Variants in MYO5A observed in about 807,000 individuals in gnomAD.
MYO5A encodes myosin VA.
In MYO5A, 98 loss-of-function variants were observed where a neutral mutation model predicts 249.7. The observed-to-expected ratio is 0.39, with a 90% confidence interval of 0.33 to 0.46. The LOEUF (loss-of-function observed/expected upper bound fraction) is 0.46. MYO5A is among the 20% of genes least tolerant of loss of function. The pLI is 0.98. For synonymous variants in MYO5A, 778 were observed against 810.6 expected, an observed-to-expected ratio of 0.96 and a Z score of 0.68; for missense variants, 1,696 against 2,308.8, an observed-to-expected ratio of 0.73 and a Z score of 5.44.
chr15:52,504,194 T>C (rs1029391717), intron 1 of MYO5A, among the ~76,000 whole-genome samples: 1 of 151,742 alleles, frequency 6.6e-6, no homozygotes, highest in Non-Finnish European at 1.5e-5. Context: ...TTCTACACAC[T>C]CATCCTTTAA....
In MYO5A at chr15:52,337,798, G is replaced by T; in HGVS notation, c.4314+12C>A. ...AGGGAAGACAGCAGAAAAGCACTATGGTTTTACATACAATCATCCGTTTGT... is the reference window on the plus strand; with the variant it reads ...AGGGAAGACAGCAGAAAAGCACTATTGTTTTACATACAATCATCCGTTTGT... On this transcript the variant is annotated intron_variant, in intron 33 of 41. Transcript: ENST00000399233. 6.6e-7 allele frequency: 1 copy of T among 1,523,400 alleles called. No individual in the cohort carries two copies. Among genetic ancestry groups the T allele is most frequent in the Non-Finnish European group, 8.9e-7 (1 of 1,124,928 alleles). 94.4% of individuals were successfully genotyped at this position (1,523,400 alleles called of 1,614,324 possible).
chr15:52,361,830 C>A (rs2040544632), intron 24 of MYO5A, among the ~76,000 whole-genome samples: 1 of 152,152 alleles, frequency 6.6e-6, no homozygotes, highest in African/African-American at 2.4e-5. Flanking sequence ...TCATCACGTT[C>A]TCCTTCAAGA....
chr15:52,504,295 G>C (rs755733679), intron 1 of MYO5A, among the ~76,000 whole-genome samples: 1 of 152,024 alleles, frequency 6.6e-6, no homozygotes, highest in Non-Finnish European at 1.5e-5. Context: ...TCATGTTCAG[G>C]TTTCTAAGCC....
At chr15:52,471,563 T>G (rs1394849129) in intron 1 of MYO5A, among the ~76,000 whole-genome samples, 1 of 148,514 alleles carries the variant, frequency 6.7e-6, no homozygotes, top group Non-Finnish European at 1.5e-5. Context: ...GAGGCCAGCC[T>G]GGGCAACACA....
intron 8 of MYO5A, among the ~76,000 whole-genome samples, chr15:52,406,668 G>A (rs2043017560): frequency 6.6e-6 from 1 of 151,870 alleles, no homozygotes; most frequent in Non-Finnish European, 1.5e-5. Flanking sequence ...AGTTGTAGAT[G>A]ACAAGTTCTA....
At chr15:52,448,951 G>GTCTT (rs1567136621) in intron 1 of MYO5A, among the ~76,000 whole-genome samples, 56 of 64,048 alleles carry the variant, frequency 8.7e-4, no homozygotes, top group African/African-American at 3.4e-3. Flanking sequence ...TTCTTTTCTT[G>GTCTT]TCTTTCTTTT....
chr15:52,323,223 G>T, intron 37 of MYO5A, 132 bp downstream of exon 37: 1 of 718,908 alleles, frequency 1.4e-6, no homozygotes, highest in Non-Finnish European at 2.5e-6. Context: ...ATCAAACAAA[G>T]CAAGAACTTC....
rs55803737 is a variant in MYO5A, at chr15:52,378,515, C to CAAAAAAAAAAAAAAAAAAAAA, written c.2208+1109_2208+1110insTTTTTTTTTTTTTTTTTTTTT. 3.0e-3 allele frequency among the ~76,000 whole-genome samples: 31 copies of CAAAAAAAAAAAAAAAAAAAAA among 10,480 alleles called. 10 individuals carry two copies. The highest frequency in any genetic ancestry group is 8.8e-3 in the Non-Finnish European group (25 of 2,842). The allele number at this position is 10,480 out of a possible 152,430, so 6.9% of individuals were successfully genotyped here. Reference sequence around the variant, plus strand: ...CCTGGGTGAAAGAGCAAGACTGTCTCAAAAAAAAAAAAAAAAGAAGGGAAT... The same window carrying CAAAAAAAAAAAAAAAAAAAAA: ...CCTGGGTGAAAGAGCAAGACTGTCTCAAAAAAAAAAAAAAAAAAAAAAAAAAAAAAAAAAAAAGAAGGGAAT... On this transcript the variant is annotated intron_variant, in intron 18 of 41. Transcript: ENST00000399233.
At position 52,364,562 on chromosome 15, in the gene MYO5A, G is replaced by A. The variant is rs568705950; in HGVS notation, c.3301C>T (p.Leu1101Phe). 6.2e-7 allele frequency: 1 copy of A among 1,613,118 alleles called. No homozygotes were observed. The highest frequency in any genetic ancestry group is 2.2e-5 in the East Asian group (1 of 44,822). ...AAAAGTGTTTGACTCACCACCATAA[G>A]GGTCATCTCTTCCTTGAGGTCATCA... Reference protein sequence around the residue: ...RYDDLKEEMTLMVHVPKPGHK... With the variant: ...RYDDLKEEMTFMVHVPKPGHK... Residue 1101 changes from leucine to phenylalanine, a missense_variant, in exon 24 of 42, where the codon CTT becomes TTT. Leu to Phe is a conservative substitution (Grantham distance 22, BLOSUM62 0). Around this residue, in one of 5 missense-constraint regions of MYO5A, gnomAD observed 412 missense variants for 453.3 expected, o/e 0.91. Transcript: ENST00000399233.
Position 52,372,248 on chromosome 15 carries a change from C to T in MYO5A, c.2693G>A (p.Arg898Gln), listed in dbSNP as rs764683651. The T allele has an allele frequency of 4.0e-5, 64 of 1,612,690 alleles. No individual in the cohort carries two copies. The highest frequency in any genetic ancestry group is 3.0e-4 in the Admixed American group (18 of 59,996). The change falls in exon 21 of 42, where the codon CGG (arginine) becomes CAG (glutamine). Residue 898 changes from arginine (R) to glutamine (Q), a missense_variant. Arg to Gln is a conservative substitution (Grantham distance 43). Coordinates refer to ENST00000399233, the MANE Select transcript of MYO5A (RefSeq NM_001382347.1). ...CTTTAGCTCACGCTTGGCCATCATC[C>T]GCCTGAAGCAGCACTGAAGGTAGAT... Reference protein sequence around the residue: ...AIIYLQCCFRRMMAKRELKKL... With the variant: ...AIIYLQCCFRQMMAKRELKKL...
chr15:52,433,370 A>C (rs1370086133), intron 1 of MYO5A, 85 bp from the exon 2 acceptor site: 4 of 745,220 alleles, frequency 5.4e-6, no homozygotes, highest in Non-Finnish European at 9.0e-6. Flanking sequence ...ATTTATAATT[A>C]AACAATTTAT....
intron 13 of MYO5A, 90 bp from the exon 14 acceptor site, chr15:52,388,002 G>C: frequency 1.0e-6 from 1 of 972,896 alleles, no homozygotes; most frequent in South Asian, 1.4e-5. Context: ...TTAGTCTCAG[G>C]CTATACGATC....
intron 11 of MYO5A, among the ~76,000 whole-genome samples, chr15:52,394,895 C>G (rs2042418087): frequency 6.6e-6 from 1 of 152,166 alleles, no homozygotes; most frequent in Admixed American, 6.5e-5. Context: ...TGCAGAGATG[C>G]AAATCATATT....
At chr15:52,357,253 C>T (rs1303720160) in intron 25 of MYO5A, among the ~76,000 whole-genome samples, 1 of 151,934 alleles carries the variant, frequency 6.6e-6, no homozygotes, top group African/African-American at 2.4e-5. Context: ...GAATGATGTA[C>T]ATGTCCCTGA....
At position 52,355,865 on chromosome 15, in the gene MYO5A, G is replaced by A. The variant is rs547982729; in HGVS notation, c.3424-1851C>T. Among the ~76,000 whole-genome samples, 5 of 152,276 alleles carry A rather than the reference G, an allele frequency of 3.3e-5. No homozygotes were observed. In the South Asian group the frequency reaches 1.0e-3, roughly 32 times the overall value. On this transcript the variant is annotated intron_variant, in intron 25 of 41. Transcript: ENST00000399233. ...CAATCCCCTGTGGAAACCGAGGGAC[G>A]ACTGTATAGTTCTTAATAAACTGAA...
chr15:52,478,755 G>A (rs2076652726), intron 1 of MYO5A, among the ~76,000 whole-genome samples: 1 of 152,150 alleles, frequency 6.6e-6, no homozygotes, highest in Non-Finnish European at 1.5e-5. Context: ...GCAATGTACT[G>A]GAGAGACAAA....
chr15:52,474,555 T>C (rs1389255630), intron 1 of MYO5A, among the ~76,000 whole-genome samples: 2 of 152,208 alleles, frequency 1.3e-5, no homozygotes, highest in Non-Finnish European at 2.9e-5. Flanking sequence ...TATTTTGAGA[T>C]ACATCCCATC....
rs1282520094 is a variant in MYO5A at position 52,364,599 on chromosome 15, C to T, written c.3264G>A (p.Leu1088=). The T allele has an allele frequency of 3.1e-6, 5 of 1,613,816 alleles. No individual in the cohort carries two copies. The highest frequency in any genetic ancestry group is 4.2e-6 in the Non-Finnish European group (5 of 1,179,934). The change falls in exon 24 of 42, where the codon CTG becomes CTA. Residue 1088 remains leucine (L), a synonymous_variant. Transcript: ENST00000399233. ...YQNLLNEFSR[L]EERYDDLKEE... is the part of the protein sequence containing the mutation. ...CCTTGAGGTCATCATATCTTTCTTCCAGGCGACTGAACTCATTCAGAAGGT... is the reference window on the plus strand; with the variant it reads ...CCTTGAGGTCATCATATCTTTCTTCTAGGCGACTGAACTCATTCAGAAGGT...
chr15:52,399,726 A>G (rs1303228930), intron 9 of MYO5A, among the ~76,000 whole-genome samples: 1 of 152,130 alleles, frequency 6.6e-6, no homozygotes, highest in Non-Finnish European at 1.5e-5. Context: ...CAATAAAGGA[A>G]TATTGTGTGA....
Sources: allele counts gnomAD v4.1 joint callset (sites outside exome capture counted in the v4.1 genomes callset), GRCh38; gene constraint gnomAD v4.1.1; regional missense constraint gnomAD v4.1.1; transcripts MANE v1.5; gene names NCBI Gene and HGNC (gene_info 2026-07-23, HGNC 2026-07-21).